Variants in RGPD2 observed in about 807,000 individuals in gnomAD.
RGPD2 encodes RANBP2 like and GRIP domain containing 2.
Under a neutral mutation model 36.0 loss-of-function variants are expected in RGPD2, and 2 were observed. The observed-to-expected ratio is 0.06, with a 90% CI of 0.02 to 0.17. The LOEUF (loss-of-function observed/expected upper bound fraction) is 0.17, where lower values mean the gene tolerates loss of function less well. RGPD2 is among the 10% of genes least tolerant of loss of function. The probability of loss-of-function intolerance (pLI) is 1.00; values close to 1 mark genes in which losing one functional copy is unlikely to be tolerated. For missense variants in RGPD2, 40 were observed against 464.3 expected, an observed-to-expected ratio of 0.09 and a Z score of 8.40; for synonymous variants, 19 against 163.8, an observed-to-expected ratio of 0.12 and a Z score of 6.75.
At chr2:87,769,212 C>A (rs1460529361) in intron 22 of RGPD2, among the ~76,000 whole-genome samples, 2 of 136,906 alleles carry the variant, frequency 1.5e-5, no homozygotes, top group African/African-American at 5.3e-5. Context: ...AGGTGATCTA[C>A]CCTCCTCAGC....
the RGPD2 span, among the ~76,000 whole-genome samples, chr2:87,886,922 T>C: frequency 6.6e-6 from 1 of 151,818 alleles, no homozygotes; most frequent in African/African-American, 2.4e-5. Flanking sequence ...GTCACATAGT[T>C]AGAAAGGAAT....
chr2:87,864,746 T>A, the RGPD2 span, among the ~76,000 whole-genome samples: 4 of 152,288 alleles, frequency 2.6e-5, no homozygotes, highest in African/African-American at 9.6e-5. Context: ...CATCTGTAGA[T>A]CATTTTTCAG....
chr2:87,915,284 ATATATGTATATTATATATATTG>A, the RGPD2 span, among the ~76,000 whole-genome samples: 5 of 138,646 alleles, frequency 3.6e-5, no homozygotes, highest in African/African-American at 1.5e-4. Flanking sequence ...GTATATATAT[ATATATGTATATTATATATATTG>A]TATATATATG....
the RGPD2 span, among the ~76,000 whole-genome samples, chr2:87,863,470 G>A: frequency 6.7e-6 from 1 of 150,076 alleles, no homozygotes; most frequent in Admixed American, 6.7e-5. Flanking sequence ...ACTATGATTG[G>A]CCTAGGCCCT....
the RGPD2 span, among the ~76,000 whole-genome samples, chr2:87,963,983 G>C: frequency 1.3e-5 from 2 of 149,314 alleles, no homozygotes; most frequent in African/African-American, 5.1e-5. Flanking sequence ...TTACAGGTAC[G>C]TGCCATCACA....
At position 87,756,265 on chromosome 2, in the gene RGPD2, T is replaced by C. The variant is rs1684717459; in HGVS notation, c.*1127A>G. The stretch of plus-strand genomic sequence containing the variant: ...GTGGAAGCTGGTTGAGAACTTTTAC[T>C]GCAAACCATTTACAGTAGACCACAA... On this transcript the variant is annotated 3_prime_UTR_variant, in exon 23 of 23. Transcript: ENST00000398146. The C allele has an allele frequency of 1.6e-5, 1 of 62,386 alleles. No homozygotes were observed. The highest frequency in any genetic ancestry group is 3.3e-5 in the Non-Finnish European group (1 of 30,384). The allele number at this position is 62,386 out of a possible 1,614,324, so 3.9% of individuals were successfully genotyped here.
chr2:87,772,640 T>A (rs866529601), intron 21 of RGPD2, among the ~76,000 whole-genome samples: 42 of 55,064 alleles, frequency 7.6e-4, no homozygotes, highest in African/African-American at 2.8e-3. Context: ...GATTGCTGCA[T>A]ATGAACCAAG....
chr2:87,834,522 TATATAGAAAAA>T, the RGPD2 span, among the ~76,000 whole-genome samples: 2 of 152,100 alleles, frequency 1.3e-5, no homozygotes, highest in African/African-American at 4.8e-5. Flanking sequence ...ACAGTGTGAA[TATATAGAAAAA>T]ATAGATTTTT....
the RGPD2 span, among the ~76,000 whole-genome samples, chr2:87,957,235 C>CG: frequency 4.5e-5 from 1 of 22,346 alleles, no homozygotes. Context: ...GACAAGGTCA[C>CG]TGGGGGGGGG....
At chr2:87,879,278 T>G in the RGPD2 span, among the ~76,000 whole-genome samples, 2 of 151,988 alleles carry the variant, frequency 1.3e-5, no homozygotes, top group African/African-American at 4.8e-5. Context: ...CCTCAAGCAT[T>G]TATCCTTTGT....
At chr2:87,921,403 A>G in the RGPD2 span, among the ~76,000 whole-genome samples, 9 of 152,312 alleles carry the variant, frequency 5.9e-5, no homozygotes, top group East Asian at 1.7e-3. Flanking sequence ...GTAGAATATC[A>G]ATGAACAGCC....
the RGPD2 span, among the ~76,000 whole-genome samples, chr2:87,852,904 T>G: frequency 6.6e-6 from 1 of 152,242 alleles, no homozygotes; most frequent in Non-Finnish European, 1.5e-5. Flanking sequence ...ACAAATTTTT[T>G]ACATTTATTG....
At chr2:87,845,681 G>A in the RGPD2 span, among the ~76,000 whole-genome samples, 3 of 151,620 alleles carry the variant, frequency 2.0e-5, no homozygotes, top group Non-Finnish European at 4.4e-5. Context: ...ATAAGTGACA[G>A]AAGAGTTTAT....
the RGPD2 span, among the ~76,000 whole-genome samples, chr2:87,883,800 C>G: frequency 2.6e-5 from 4 of 152,002 alleles, no homozygotes; most frequent in Non-Finnish European, 4.4e-5. Flanking sequence ...AAATACAAAA[C>G]AATAATAATA....
chr2:87,847,636 C>A, the RGPD2 span, among the ~76,000 whole-genome samples: 24 of 151,414 alleles, frequency 1.6e-4, no homozygotes, highest in Admixed American at 7.3e-4. Context: ...GTAGCTGGGA[C>A]CACAGGTGCA....
intron 22 of RGPD2, among the ~76,000 whole-genome samples, chr2:87,769,225 C>A (rs1685040409): frequency 7.0e-6 from 1 of 142,272 alleles, no homozygotes; most frequent in Non-Finnish European, 1.6e-5. Flanking sequence ...TCCTCAGCCT[C>A]CCAAAGTGCT....
chr2:87,984,919 C>T, the RGPD2 span, among the ~76,000 whole-genome samples: 1 of 101,532 alleles, frequency 9.8e-6, no homozygotes, highest in Non-Finnish European at 1.9e-5. Context: ...GACAGAGCAA[C>T]ATTCTGTCTC....
chr2:87,957,115 A>G, the RGPD2 span, among the ~76,000 whole-genome samples: 1 of 151,950 alleles, frequency 6.6e-6, no homozygotes, highest in African/African-American at 2.4e-5. Flanking sequence ...TTCAAATCTA[A>G]AAGTGTTACT....
At chr2:87,929,384 G>A in the RGPD2 span, among the ~76,000 whole-genome samples, 1 of 150,064 alleles carries the variant, frequency 6.7e-6, no homozygotes, top group Non-Finnish European at 1.5e-5. Context: ...CTATTTGCCT[G>A]TTTTTGTACA....
Sources: gnomAD v4.1 joint callset for allele counts (sites outside exome capture counted in the v4.1 genomes callset) on GRCh38, gnomAD v4.1.1 for gene constraint, MANE v1.5 for transcripts, NCBI Gene and HGNC (gene_info 2026-07-23, HGNC 2026-07-21) for gene names.